The following FOXP1 variants were observed in gnomAD, a reference collection of about 807,000 sequenced individuals.
FOXP1 encodes forkhead box protein P1.
A neutral mutation model predicts 98.2 loss-of-function variants in FOXP1; 15 were observed. The observed-to-expected ratio is 0.15, with a 90% confidence interval of 0.10 to 0.24. The LOEUF is 0.24. FOXP1 is among the 10% of genes least tolerant of loss of function. FOXP1 has a pLI of 1.00. For missense variants in FOXP1, 633 were observed against 848.5 expected (o/e 0.75, Z 3.15); for synonymous variants, 371 against 314.5 (o/e 1.18, Z -1.90).
At chr3:71,183,019 T>C (rs2062422369) in intron 6 of FOXP1, among the ~76,000 whole-genome samples, 2 of 152,308 alleles carry the variant, frequency 1.3e-5, no homozygotes, top group East Asian at 1.9e-4. Flanking sequence ...CAAACTTATA[T>C]GTTAGCATTT....
intron 2 of FOXP1, chr3:71,580,846 G>A (rs559228728): frequency 1.0e-6 from 1 of 985,330 alleles, no homozygotes; most frequent in African/African-American, 1.7e-5. Context: ...CGGTTTGAAT[G>A]TACAGATGCC....
At chr3:71,447,333 G>A (rs986971381) in intron 3 of FOXP1, among the ~76,000 whole-genome samples, 11 of 152,094 alleles carry the variant, frequency 7.2e-5, no homozygotes, top group African/African-American at 1.7e-4. Flanking sequence ...GCACCCCAAC[G>A]AGCTTACAAA....
In FOXP1 at chr3:71,053,681, C is replaced by A; in HGVS notation, c.375G>T (p.Gln125His). Residue 125 changes from glutamine to histidine, a missense_variant, in exon 8 of 21, where the codon CAG (glutamine) becomes CAT (histidine). Around this residue, in one of 6 missense-constraint regions of FOXP1, gnomAD observed 210 missense variants for 270.6 expected, o/e 0.78. Coordinates refer to ENST00000649528, the MANE Select transcript of FOXP1 (RefSeq NM_001349338.3). ...GCTGCTGCTGGAGGAGAACCTGGAG[C>A]TGCTGAGGGCTCAGCACTTGTTGCT... is the stretch of plus-strand genomic sequence containing the variant. Reference protein sequence around the residue: ...ILQQQVLSPQQLQVLLQQQQA... With the variant: ...ILQQQVLSPQHLQVLLQQQQA... 6.2e-7 allele frequency: 1 copy of A among 1,614,076 alleles called. No individual in the cohort carries two copies. Among genetic ancestry groups the A allele is most frequent in the East Asian group, 2.2e-5 (1 of 44,866 alleles).
intron 7 of FOXP1, among the ~76,000 whole-genome samples, chr3:71,058,758 GAA>G (rs753597579): frequency 6.6e-6 from 1 of 151,636 alleles, no homozygotes; most frequent in Non-Finnish European, 1.5e-5. Flanking sequence ...TTGGCAAACA[GAA>G]AAGTTAGAAA....
In FOXP1 at chr3:71,233,592, C is replaced by CTT. The variant is rs34054213; in HGVS notation, c.-11-35202_-11-35201dup. ...CAAATGCCCACGACCATGTTTGACTCTTTTTTTTTTTTTTTTTTTTGGTAT... is the reference window on the plus strand; with the variant it reads ...CAAATGCCCACGACCATGTTTGACTCTTTTTTTTTTTTTTTTTTTTTTGGTAT... On this transcript the variant is annotated intron_variant, in intron 5 of 20. Coordinates refer to ENST00000649528, the MANE Select transcript of FOXP1 (RefSeq NM_001349338.3). Among the ~76,000 whole-genome samples, 939 of 108,622 alleles carry CTT rather than the reference C, an allele frequency of 8.6e-3. 9 individuals carry two copies. The highest frequency in any genetic ancestry group is 0.012 in the Non-Finnish European group (645 of 54,086). 71.3% of individuals were successfully genotyped at this position (108,622 alleles called of 152,430 possible). A position where few individuals can be genotyped will look rare whatever the true frequency, so the allele number is the denominator to read the frequency against.
intron 5 of FOXP1, among the ~76,000 whole-genome samples, chr3:71,299,070 G>C (rs539325330): frequency 2.6e-5 from 4 of 152,296 alleles, no homozygotes; most frequent in African/African-American, 9.6e-5. Flanking sequence ...TCTGTAAGAT[G>C]ATCATTGCCT....
chr3:71,157,412 T>G (rs2060877942), intron 6 of FOXP1, among the ~76,000 whole-genome samples: 1 of 152,232 alleles, frequency 6.6e-6, no homozygotes, highest in Non-Finnish European at 1.5e-5. Context: ...AAAAGTTTAC[T>G]CCTGAAATGA....
chr3:71,098,877 A>C (rs2056712821), intron 7 of FOXP1, among the ~76,000 whole-genome samples: 1 of 152,260 alleles, frequency 6.6e-6, no homozygotes, highest in Non-Finnish European at 1.5e-5. Flanking sequence ...TGACACATTT[A>C]GGAAAAACAC....
intron 3 of FOXP1, among the ~76,000 whole-genome samples, chr3:71,387,156 T>C (rs1352618967): frequency 6.6e-6 from 1 of 152,328 alleles, no homozygotes; most frequent in East Asian, 1.9e-4. Context: ...TAACAAAATA[T>C]CTTATTTCTT....
rs2032500598 is a variant in FOXP1 at position 70,958,801 on chromosome 3, T to A, written c.*446A>T. On this transcript the variant is annotated 3_prime_UTR_variant, in exon 21 of 21. Transcript: ENST00000649528. ...GGCAGTGATAATCAACATGCAGTAC[T>A]GTGCAAATAGGTCGTCCATTGGAAT... 1 of 289,410 alleles carries A rather than the reference T, an allele frequency of 3.5e-6. No individual in the cohort carries two copies. The highest frequency in any genetic ancestry group is 6.4e-6 in the Non-Finnish European group (1 of 157,098). The allele number at this position is 289,410 out of a possible 1,614,324, so 17.9% of individuals were successfully genotyped here.
intron 2 of FOXP1, among the ~76,000 whole-genome samples, chr3:71,538,022 G>T (rs559591149): frequency 6.6e-6 from 1 of 152,326 alleles, no homozygotes; most frequent in African/African-American, 2.4e-5. Flanking sequence ...AGAGCTGAGA[G>T]ACTGTATGGC....
chr3:71,477,594 A>T (rs966316800), intron 3 of FOXP1, among the ~76,000 whole-genome samples: 1 of 152,252 alleles, frequency 6.6e-6, no homozygotes, highest in Non-Finnish European at 1.5e-5. Context: ...ACATAGAGTT[A>T]GCAAACATTT....
chr3:71,307,239 G>T (rs1047956187), intron 4 of FOXP1, among the ~76,000 whole-genome samples: 6 of 152,148 alleles, frequency 3.9e-5, no homozygotes, highest in African/African-American at 1.4e-4. Context: ...ATCCTTCACA[G>T]CCTTCGAGAA....
chr3:71,345,010 C>A (rs1473796942), intron 4 of FOXP1, among the ~76,000 whole-genome samples: 1 of 152,150 alleles, frequency 6.6e-6, no homozygotes, highest in Non-Finnish European at 1.5e-5. Flanking sequence ...AGTTTATAAG[C>A]CTTGGTGTCC....
chr3:71,548,043 A>C (rs1255879306), intron 2 of FOXP1, among the ~76,000 whole-genome samples: 33 of 152,244 alleles, frequency 2.2e-4, no homozygotes, highest in Admixed American at 2.2e-3. Flanking sequence ...GGATGAGGCA[A>C]TCTGCAGTTC....
chr3:71,438,856 T>C (rs1411653013), intron 3 of FOXP1, among the ~76,000 whole-genome samples: 1 of 152,088 alleles, frequency 6.6e-6, no homozygotes, highest in Admixed American at 6.6e-5. Context: ...TAAAGTAAAT[T>C]ACACAGGCTG....
chr3:71,468,541 G>A (rs1003059342), intron 3 of FOXP1, among the ~76,000 whole-genome samples: 1 of 152,106 alleles, frequency 6.6e-6, no homozygotes, highest in Non-Finnish European at 1.5e-5. Flanking sequence ...CTTTTGTTAT[G>A]TATAAAGACA....
chr3:71,410,688 G>A (rs760092772), intron 3 of FOXP1, among the ~76,000 whole-genome samples: 3 of 152,050 alleles, frequency 2.0e-5, no homozygotes, highest in Non-Finnish European at 4.4e-5. Flanking sequence ...CTGATTTTAC[G>A]TTTCTGATCT....
chr3:71,292,294 G>T (rs2072836727), intron 5 of FOXP1, among the ~76,000 whole-genome samples: 1 of 152,052 alleles, frequency 6.6e-6, no homozygotes, highest in Non-Finnish European at 1.5e-5. Context: ...ATCCAACAAT[G>T]GGAGGTTTCT....
Sources: gnomAD v4.1 joint callset for allele counts (sites outside exome capture counted in the v4.1 genomes callset) on GRCh38, gnomAD v4.1.1 for gene constraint, gnomAD v4.1.1 regional missense constraint, MANE v1.5 for transcripts, NCBI Gene and HGNC (gene_info 2026-07-23, HGNC 2026-07-21) for gene names.